PRIM2: variants seen among roughly 807,000 people sequenced by gnomAD.
PRIM2 encodes the protein DNA primase subunit 2, also known as DNA primase large subunit.
PRIM2 carries 39 observed loss-of-function variants against 67.3 expected under a neutral mutation model. That is an observed-to-expected ratio of 0.58 (90% CI 0.45 to 0.76). PRIM2 has a LOEUF of 0.76. Ranked by LOEUF, PRIM2 falls within the 30% of genes least tolerant of loss-of-function variation. The pLI, the probability that PRIM2 is intolerant of heterozygous loss-of-function variation, is 0.00. For synonymous variants in PRIM2, 143 were observed against 198.7 expected (o/e 0.72, Z 2.36); for missense variants, 398 against 598.7 (o/e 0.66, Z 3.50).
chr6:57,433,342 A>C (rs960453286), intron 7 of PRIM2, among the ~76,000 whole-genome samples: 1 of 151,754 alleles, frequency 6.6e-6, no homozygotes, highest in African/African-American at 2.4e-5. Flanking sequence ...GCACCCATTA[A>C]CGCGTCATTT....
At chr6:57,391,963 G>A (rs1161984159) in intron 7 of PRIM2, among the ~76,000 whole-genome samples, 2 of 152,046 alleles carry the variant, frequency 1.3e-5, no homozygotes, top group Non-Finnish European at 2.9e-5. Context: ...ATTGCTTTGG[G>A]CAGTATGACC....
At chr6:57,292,784 A>G in the PRIM2 span, among the ~76,000 whole-genome samples, 1 of 152,238 alleles carries the variant, frequency 6.6e-6, no homozygotes, top group African/African-American at 2.4e-5. Context: ...CTGGCTAGTT[A>G]TATGTAGAAA....
chr6:57,616,992 G>C (rs1776767673), intron 12 of PRIM2, among the ~76,000 whole-genome samples: 1 of 152,180 alleles, frequency 6.6e-6, no homozygotes, highest in Non-Finnish European at 1.5e-5. Context: ...ACCACATTTT[G>C]TTTATCCATT....
intron 7 of PRIM2, among the ~76,000 whole-genome samples, chr6:57,415,725 T>G (rs1201067200): frequency 2.0e-5 from 3 of 152,232 alleles, no homozygotes; most frequent in Non-Finnish European, 4.4e-5. Flanking sequence ...TAATCTAACT[T>G]CTTTGTTGTC....
At chr6:57,466,996 A>G (rs1773214933) in intron 7 of PRIM2, among the ~76,000 whole-genome samples, 1 of 151,860 alleles carries the variant, frequency 6.6e-6, no homozygotes, top group South Asian at 2.1e-4. Context: ...GCACACCCGT[A>G]TAATCCCAGC....
the PRIM2 span, among the ~76,000 whole-genome samples, chr6:57,238,035 C>T: frequency 6.6e-6 from 1 of 152,094 alleles, no homozygotes; most frequent in Non-Finnish European, 1.5e-5. Flanking sequence ...TACATGCACC[C>T]AATACAGCAG....
the PRIM2 span, among the ~76,000 whole-genome samples, chr6:57,305,567 C>T: frequency 1.3e-5 from 2 of 152,218 alleles, no homozygotes; most frequent in Non-Finnish European, 2.9e-5. Context: ...GAAATAACTA[C>T]GTCATTTTAG....
chr6:57,540,625 T>C (rs1775127971), intron 10 of PRIM2, among the ~76,000 whole-genome samples: 1 of 152,100 alleles, frequency 6.6e-6, no homozygotes, highest in South Asian at 2.1e-4. Flanking sequence ...ATAAAATATA[T>C]ACTAGTCTTA....
At position 57,507,533 on chromosome 6, in the gene PRIM2, C is replaced by T. The variant is rs1774275025; in HGVS notation, c.761+79C>T. ...AATAAAGTATATTAAAGTGGTGAAA[C>T]CCCTTCAATTACTAAAAACTTATTT... On this transcript the variant is annotated intron_variant, in intron 8 of 13. Coordinates refer to ENST00000615550, the MANE Select transcript of PRIM2 (RefSeq NM_000947.5). 4 of 1,421,362 alleles carry T rather than the reference C, an allele frequency of 2.8e-6. No individual in the cohort carries two copies. In the Admixed American group the frequency reaches 8.1e-5, roughly 29 times the overall value. 88.0% of individuals were successfully genotyped at this position (1,421,362 alleles called of 1,614,324 possible). A position where few individuals can be genotyped will look rare whatever the true frequency, so the allele number is the denominator to read the frequency against.
intron 7 of PRIM2, among the ~76,000 whole-genome samples, chr6:57,487,903 T>C (rs1773790903): frequency 6.6e-6 from 1 of 152,224 alleles, no homozygotes; most frequent in African/African-American, 2.4e-5. Flanking sequence ...ATAATGCATA[T>C]TTGTTGAATT....
chr6:57,223,079 A>G, the PRIM2 span, among the ~76,000 whole-genome samples: 11 of 152,340 alleles, frequency 7.2e-5, no homozygotes, highest in Admixed American at 2.6e-4. Context: ...AATTAATGAA[A>G]TTACACAGAG....
At chr6:57,232,091 T>C in the PRIM2 span, among the ~76,000 whole-genome samples, 2 of 152,226 alleles carry the variant, frequency 1.3e-5, no homozygotes, top group African/African-American at 2.4e-5. Context: ...AGATTTCTTT[T>C]TTTCAAGAGA....
intron 13 of PRIM2, among the ~76,000 whole-genome samples, chr6:57,637,732 C>T (rs1777149921): frequency 3.3e-5 from 5 of 152,132 alleles, no homozygotes; most frequent in Admixed American, 3.3e-4. Flanking sequence ...ATGAACAAAG[C>T]CTCCAAGAAA....
intron 5 of PRIM2, among the ~76,000 whole-genome samples, chr6:57,356,441 A>G (rs1401325139): frequency 1.1e-4 from 16 of 152,218 alleles, no homozygotes; most frequent in Non-Finnish European, 1.3e-4. Flanking sequence ...TATAGGGAGA[A>G]CACTGGATTT....
chr6:57,589,182 C>T (rs1776243713), intron 10 of PRIM2, among the ~76,000 whole-genome samples: 2 of 152,122 alleles, frequency 1.3e-5, no homozygotes, highest in African/African-American at 4.8e-5. Flanking sequence ...CAGGGAATCC[C>T]AGAGAGTATG....
At chr6:57,388,105 G>T (rs1454913960) in intron 7 of PRIM2, among the ~76,000 whole-genome samples, 1 of 152,182 alleles carries the variant, frequency 6.6e-6, no homozygotes, top group Non-Finnish European at 1.5e-5. Context: ...GGCTGCAATG[G>T]CTAGGTGTAG....
chr6:57,272,873 G>C, the PRIM2 span, among the ~76,000 whole-genome samples: 13 of 152,074 alleles, frequency 8.5e-5, no homozygotes, highest in African/African-American at 2.2e-4. Context: ...TTTTATTTCT[G>C]CTTCACTTAT....
intron 7 of PRIM2, among the ~76,000 whole-genome samples, chr6:57,391,702 G>C (rs9367738): frequency 6.6e-6 from 1 of 152,044 alleles, no homozygotes; most frequent in East Asian, 1.9e-4. Flanking sequence ...TGGGCTCTCT[G>C]TTCTGTTCCA....
chr6:57,350,569 C>T (rs1280753760), intron 5 of PRIM2, among the ~76,000 whole-genome samples: 1 of 151,996 alleles, frequency 6.6e-6, no homozygotes, highest in African/African-American at 2.4e-5. Flanking sequence ...ATGAGTAGGT[C>T]GGGGTGATCT....
Sources: allele counts gnomAD v4.1 joint callset (sites outside exome capture counted in the v4.1 genomes callset), GRCh38; gene constraint gnomAD v4.1.1; transcripts MANE v1.5; gene names NCBI Gene and HGNC (gene_info 2026-07-23, HGNC 2026-07-21).